The following HTR1F variants were observed in gnomAD, a reference collection of about 807,000 sequenced individuals.
HTR1F encodes the protein 5-hydroxytryptamine (serotonin) receptor 1F, G protein-coupled.
HTR1F carries 17 observed loss-of-function variants against 24.0 expected under a neutral mutation model. The observed-to-expected ratio is 0.71, with a 90% CI of 0.48 to 1.06. The LOEUF is 1.06. Among genes scored for constraint, HTR1F ranks in the 50% least tolerant of loss-of-function variants. The pLI, the probability that HTR1F is intolerant of heterozygous loss-of-function variation, is 0.00. For missense variants in HTR1F, 391 were observed against 427.8 expected (o/e 0.91, Z 0.76); for synonymous variants, 186 against 156.8 (o/e 1.19, Z -1.39).
intron 2 of HTR1F, among the ~76,000 whole-genome samples, chr3:87,853,807 G>A (rs1421181480): frequency 6.6e-6 from 1 of 151,980 alleles, no homozygotes; most frequent in Non-Finnish European, 1.5e-5. Context: ...CATTTCTCTA[G>A]TGATCAGGGA....
At position 87,897,063 on chromosome 3, in the gene HTR1F, T is replaced by C. The variant is rs1706213590; in HGVS notation, c.-43+74939T>C. Among the ~76,000 whole-genome samples, 4 of 152,132 alleles carry C rather than the reference T, an allele frequency of 2.6e-5. No homozygotes were observed. The South Asian group carries it at 8.3e-4, about 32-fold the overall frequency. ...CCCAGAAATCCCTCTTCTGGATATA[T>C]ATTCAAAGGAAATAAAATTATCACC... On this transcript the variant is annotated intron_variant, in intron 2 of 2. Transcript: ENST00000319595.
At chr3:87,953,490 A>G (rs1320652306) in intron 2 of HTR1F, among the ~76,000 whole-genome samples, 2 of 151,642 alleles carry the variant, frequency 1.3e-5, no homozygotes, top group African/African-American at 4.8e-5. Context: ...TCAATGAAAT[A>G]TCATCTAACC....
intron 2 of HTR1F, among the ~76,000 whole-genome samples, chr3:87,898,349 A>G (rs1256164647): frequency 6.6e-6 from 1 of 152,190 alleles, no homozygotes; most frequent in African/African-American, 2.4e-5. Context: ...GCCCAGAATT[A>G]TGAAATCTCT....
At chr3:87,952,766 G>T (rs2107464604) in intron 2 of HTR1F, among the ~76,000 whole-genome samples, 1 of 151,884 alleles carries the variant, frequency 6.6e-6, no homozygotes, top group African/African-American at 2.4e-5. Flanking sequence ...TTCGGATGGT[G>T]AAAAGCAATG....
chr3:87,817,232 C>T (rs539430006), intron 1 of HTR1F, among the ~76,000 whole-genome samples: 227 of 152,176 alleles, frequency 1.5e-3, no homozygotes, highest in African/African-American at 5.1e-3. Context: ...TGCTATCATG[C>T]GGGAGACAGA....
At chr3:87,898,199 T>C (rs926314637) in intron 2 of HTR1F, among the ~76,000 whole-genome samples, 13 of 152,300 alleles carry the variant, frequency 8.5e-5, no homozygotes, top group African/African-American at 3.1e-4. Flanking sequence ...TACAGTGTGA[T>C]AAGAGCTCTG....
intron 2 of HTR1F, among the ~76,000 whole-genome samples, chr3:87,847,073 A>C (rs1704961775): frequency 6.6e-6 from 1 of 151,842 alleles, no homozygotes; most frequent in African/African-American, 2.4e-5. Context: ...GAAAATAAAA[A>C]ATTCATAAAA....
intron 2 of HTR1F, among the ~76,000 whole-genome samples, chr3:87,827,865 G>A (rs1057317660): frequency 1.3e-5 from 2 of 152,130 alleles, no homozygotes; most frequent in Non-Finnish European, 2.9e-5. Context: ...AGTACAACTT[G>A]GAAAAATGGC....
intron 2 of HTR1F, among the ~76,000 whole-genome samples, chr3:87,870,004 T>C (rs559281005): frequency 6.6e-6 from 1 of 152,220 alleles, no homozygotes; most frequent in African/African-American, 2.4e-5. Flanking sequence ...GTAAAAATTA[T>C]TTCTAAATTA....
chr3:87,892,270 G>A (rs1367611666), intron 2 of HTR1F, among the ~76,000 whole-genome samples: 1 of 152,158 alleles, frequency 6.6e-6, no homozygotes, highest in African/African-American at 2.4e-5. Flanking sequence ...ATAAAATGGA[G>A]TATGCTGCAA....
intron 2 of HTR1F, among the ~76,000 whole-genome samples, chr3:87,952,517 G>A (rs192768674): frequency 3.7e-4 from 56 of 151,980 alleles, no homozygotes; most frequent in African/African-American, 1.3e-3. Flanking sequence ...AAGATTTAAA[G>A]ACAAGTACAA....
chr3:87,952,566 C>T (rs897636744), intron 2 of HTR1F, among the ~76,000 whole-genome samples: 6 of 151,932 alleles, frequency 3.9e-5, no homozygotes, highest in African/African-American at 1.2e-4. Context: ...AAATTGCGAT[C>T]AGCCCTAAGG....
At chr3:87,956,329 A>G (rs541777700) in intron 2 of HTR1F, among the ~76,000 whole-genome samples, 3 of 151,460 alleles carry the variant, frequency 2.0e-5, no homozygotes, top group Non-Finnish European at 4.4e-5. Flanking sequence ...AACTGAACAT[A>G]TATTTGTGAG....
chr3:87,835,170 A>G (rs753008982), intron 2 of HTR1F, among the ~76,000 whole-genome samples: 6 of 152,162 alleles, frequency 3.9e-5, no homozygotes, highest in Non-Finnish European at 7.4e-5. Context: ...GGTGTTAGGC[A>G]GAACTGGATT....
At chr3:87,932,367 T>C (rs901001780) in intron 2 of HTR1F, among the ~76,000 whole-genome samples, 3 of 152,118 alleles carry the variant, frequency 2.0e-5, no homozygotes, top group Non-Finnish European at 1.5e-5. Context: ...ATATGCAGCG[T>C]TATTTCTGAG....
chr3:87,877,513 ATTAAG>A (rs1289612147), intron 2 of HTR1F, among the ~76,000 whole-genome samples: 2 of 152,162 alleles, frequency 1.3e-5, no homozygotes, highest in East Asian at 1.9e-4. Flanking sequence ...GTTAATGATG[ATTAAG>A]TTATTACAAT....
At chr3:87,869,488 T>C (rs1033175094) in intron 2 of HTR1F, among the ~76,000 whole-genome samples, 6 of 151,488 alleles carry the variant, frequency 4.0e-5, no homozygotes, top group Non-Finnish European at 8.8e-5. Flanking sequence ...AGATGATAGA[T>C]AGATATTCTA....
At chr3:87,818,713 C>G (rs752632680) in intron 1 of HTR1F, among the ~76,000 whole-genome samples, 1 of 152,166 alleles carries the variant, frequency 6.6e-6, no homozygotes, top group African/African-American at 2.4e-5. Context: ...AGTCTAGAGG[C>G]CAAACCCTTG....
At chr3:87,830,913 T>G (rs1163737987) in intron 2 of HTR1F, among the ~76,000 whole-genome samples, 1 of 152,202 alleles carries the variant, frequency 6.6e-6, no homozygotes, top group Non-Finnish European at 1.5e-5. Context: ...TTATGGCACA[T>G]GTATTGATAT....
Sources: allele counts gnomAD v4.1 joint callset (sites outside exome capture counted in the v4.1 genomes callset), GRCh38; gene constraint gnomAD v4.1.1; transcripts MANE v1.5; gene names NCBI Gene and HGNC (gene_info 2026-07-23, HGNC 2026-07-21).